Variants in ARHGAP26 observed in about 807,000 individuals in gnomAD.
ARHGAP26 encodes the protein Rho GTPase activating protein 26, also known as rho GTPase-activating protein 26.
ARHGAP26 carries 38 observed loss-of-function variants against 104.8 expected under a neutral mutation model. The observed-to-expected ratio is 0.36, with a 90% confidence interval of 0.28 to 0.48. ARHGAP26 has a LOEUF of 0.48. Among genes scored for constraint, ARHGAP26 ranks in the 20% least tolerant of loss-of-function variants. ARHGAP26 has a pLI of 0.99. For missense variants in ARHGAP26, 704 were observed against 947.9 expected (o/e 0.74, Z 3.38); for synonymous variants, 341 against 340.0 (o/e 1.00, Z -0.03).
chr5:143,145,856 T>C (rs1373842924), intron 19 of ARHGAP26, among the ~76,000 whole-genome samples: 1 of 152,218 alleles, frequency 6.6e-6, no homozygotes, highest in Non-Finnish European at 1.5e-5. Context: ...GGTGAATGTG[T>C]ATGTATTTAA....
chr5:143,094,202 T>G (rs1414044453), intron 17 of ARHGAP26, among the ~76,000 whole-genome samples: 1 of 152,230 alleles, frequency 6.6e-6, no homozygotes, highest in African/African-American at 2.4e-5. Context: ...CAAGGAATGC[T>G]TTGCTGCGTG....
intron 1 of ARHGAP26, among the ~76,000 whole-genome samples, chr5:142,836,194 T>G (rs1249828954): frequency 6.6e-6 from 1 of 152,218 alleles, no homozygotes; most frequent in Non-Finnish European, 1.5e-5. Flanking sequence ...TCTGAACTGG[T>G]GATGCCAAGT....
chr5:143,136,886 G>GA (rs1239797881), intron 19 of ARHGAP26, among the ~76,000 whole-genome samples: 3 of 152,098 alleles, frequency 2.0e-5, no homozygotes, highest in Admixed American at 6.5e-5. Flanking sequence ...AATAATTTGT[G>GA]AAAAAAGGTA....
Position 143,108,537 on chromosome 5 carries a change from C to A in ARHGAP26, c.1539-12451C>A, listed in dbSNP as rs182412107. 1.9e-3 allele frequency among the ~76,000 whole-genome samples: 282 copies of A among 152,272 alleles called. 2 individuals carry two copies. The highest frequency in any genetic ancestry group is 6.8e-3 in the Middle Eastern group (2 of 294). Reference sequence around the variant, plus strand: ...AATTCCAGTCACTTTGGTAGACTGGCCCTTGAAATAAAGCTAACGTTTTCA... The same window carrying A: ...AATTCCAGTCACTTTGGTAGACTGGACCTTGAAATAAAGCTAACGTTTTCA... On this transcript the variant is annotated intron_variant, in intron 17 of 22. Coordinates refer to ENST00000645722, the MANE Select transcript of ARHGAP26 (RefSeq NM_001135608.3).
chr5:142,840,133 T>G (rs1770475152), intron 1 of ARHGAP26, among the ~76,000 whole-genome samples: 2 of 152,182 alleles, frequency 1.3e-5, no homozygotes, highest in East Asian at 3.8e-4. Flanking sequence ...TGCCACACGT[T>G]TTGACTCTAC....
Position 143,013,396 on chromosome 5 carries a change from C to T in ARHGAP26, c.1108-684C>T, listed in dbSNP as rs866405379. Reference sequence around the variant, plus strand: ...GCTGACCCTTGCAATATGTCATTGTCTCTTTTATATTGGGCATTTTCTTTT... The same window carrying T: ...GCTGACCCTTGCAATATGTCATTGTTTCTTTTATATTGGGCATTTTCTTTT... On this transcript the variant is annotated intron_variant, in intron 11 of 22. Coordinates refer to ENST00000645722, the MANE Select transcript of ARHGAP26 (RefSeq NM_001135608.3). Among the ~76,000 whole-genome samples the T allele has an allele frequency of 2.0e-5, 3 of 152,274 alleles. 1 individual carries two copies. The Middle Eastern group carries it at 0.01, about 518-fold the overall frequency.
At chr5:142,806,342 C>G (rs1241923782) in intron 1 of ARHGAP26, among the ~76,000 whole-genome samples, 2 of 152,186 alleles carry the variant, frequency 1.3e-5, no homozygotes, top group African/African-American at 4.8e-5. Context: ...AAGCAATCCT[C>G]CTGCCTGGGA....
intron 10 of ARHGAP26, among the ~76,000 whole-genome samples, chr5:142,925,802 G>T (rs1427972406): frequency 1.3e-5 from 2 of 152,136 alleles, no homozygotes; most frequent in African/African-American, 4.8e-5. Flanking sequence ...TAAATATACA[G>T]TAGTGTGGAT....
intron 11 of ARHGAP26, among the ~76,000 whole-genome samples, chr5:142,951,125 T>C (rs543601024): frequency 6.6e-6 from 1 of 151,940 alleles, no homozygotes; most frequent in Admixed American, 6.5e-5. Context: ...AGTGGTGCGA[T>C]CTCAGCTCAC....
At chr5:142,924,427 G>T (rs930975744) in intron 10 of ARHGAP26, among the ~76,000 whole-genome samples, 2 of 152,230 alleles carry the variant, frequency 1.3e-5, no homozygotes, top group Non-Finnish European at 2.9e-5. Context: ...CATTATGCAA[G>T]TAATTTATGT....
At chr5:142,787,058 T>C (rs1758819072) in intron 1 of ARHGAP26, among the ~76,000 whole-genome samples, 1 of 152,192 alleles carries the variant, frequency 6.6e-6, no homozygotes, top group Non-Finnish European at 1.5e-5. Context: ...TGAACAGCAC[T>C]GTCTAGGGCT....
intron 1 of ARHGAP26, among the ~76,000 whole-genome samples, chr5:142,786,489 G>A (rs190109692): frequency 1.5e-3 from 234 of 151,980 alleles, no homozygotes; most frequent in African/African-American, 5.2e-3. Context: ...TTTAGAGATA[G>A]GATCTTGCTG....
intron 1 of ARHGAP26, among the ~76,000 whole-genome samples, chr5:142,866,581 A>C (rs796934335): frequency 4.7e-4 from 72 of 152,326 alleles, no homozygotes; most frequent in African/African-American, 1.3e-3. Context: ...TATTTCATCT[A>C]AATAGAATTA....
intron 6 of ARHGAP26, among the ~76,000 whole-genome samples, chr5:142,896,441 A>G (rs1759489213): frequency 6.6e-6 from 1 of 152,122 alleles, no homozygotes; most frequent in African/African-American, 2.4e-5. Flanking sequence ...CTTTTGCTGA[A>G]TGGTATCCAC....
At chr5:142,932,789 C>T (rs573506503) in intron 11 of ARHGAP26, among the ~76,000 whole-genome samples, 22 of 152,334 alleles carry the variant, frequency 1.4e-4, no homozygotes, top group African/African-American at 4.8e-4. Flanking sequence ...AGGCCATGGG[C>T]TCCATTGACT....
intron 11 of ARHGAP26, among the ~76,000 whole-genome samples, chr5:142,977,535 GT>G (rs889046353): frequency 6.6e-6 from 1 of 152,130 alleles, no homozygotes; most frequent in Non-Finnish European, 1.5e-5. Flanking sequence ...TCAGCCAGGT[GT>G]TTTTTTCCCC....
At chr5:142,800,091 A>G (rs1761761528) in intron 1 of ARHGAP26, among the ~76,000 whole-genome samples, 1 of 152,216 alleles carries the variant, frequency 6.6e-6, no homozygotes, top group South Asian at 2.1e-4. Context: ...CATACTTCCC[A>G]TTGTCTGGCA....
intron 8 of ARHGAP26, 39 bp from the exon 9 acceptor site, chr5:142,907,665 G>T: frequency 7.0e-7 from 1 of 1,421,342 alleles, no homozygotes; most frequent in South Asian, 1.2e-5. Context: ...AGCATACAGT[G>T]GAATGTATAG....
At chr5:143,175,978 G>A (rs550247606) in intron 20 of ARHGAP26, among the ~76,000 whole-genome samples, 4 of 152,248 alleles carry the variant, frequency 2.6e-5, no homozygotes, top group Admixed American at 2.0e-4. Flanking sequence ...GCCGGGCGTG[G>A]TGGTGTGCCC....
Sources: gnomAD v4.1 joint callset for allele counts (sites outside exome capture counted in the v4.1 genomes callset) on GRCh38, gnomAD v4.1.1 for gene constraint, MANE v1.5 for transcripts, NCBI Gene and HGNC (gene_info 2026-07-23, HGNC 2026-07-21) for gene names.